The following ZZEF1 variants were observed in gnomAD, a reference collection of about 807,000 sequenced individuals.
The protein encoded by ZZEF1 is zinc finger ZZ-type and EF-hand domain-containing protein 1.
A neutral mutation model predicts 342.8 loss-of-function variants in ZZEF1; 157 were observed. That is an observed-to-expected ratio of 0.46 (90% CI 0.40 to 0.52). The LOEUF is 0.52. ZZEF1 is among the 20% of genes least tolerant of loss of function. The pLI, the probability that ZZEF1 is intolerant of heterozygous loss-of-function variation, is 0.00. For synonymous variants in ZZEF1, 1,505 were observed against 1,429.1 expected, an observed-to-expected ratio of 1.05 and a Z score of -1.20; for missense variants, 3,480 against 3,725.6, an observed-to-expected ratio of 0.93 and a Z score of 1.72.
intron 21 of ZZEF1, chr17:4,076,422 T>A: frequency 2.2e-6 from 1 of 447,336 alleles, no homozygotes; most frequent in Non-Finnish European, 3.8e-6. Context: ...CGTGAGCCAC[T>A]GCGCCCGGCC....
At chr17:4,027,159 G>C (rs1274907255) in intron 42 of ZZEF1, among the ~76,000 whole-genome samples, 1 of 151,976 alleles carries the variant, frequency 6.6e-6, no homozygotes, top group African/African-American at 2.4e-5. Flanking sequence ...GGGGGTGGTA[G>C]AAGACAGGGT....
At chr17:4,068,346 T>C (rs2057443237) in intron 26 of ZZEF1, among the ~76,000 whole-genome samples, 1 of 152,294 alleles carries the variant, frequency 6.6e-6, no homozygotes, top group East Asian at 1.9e-4. Context: ...GGCGCGATCT[T>C]GGCTCACTGC....
At chr17:4,019,552 T>C (rs2056209787) in intron 46 of ZZEF1, 117 bp downstream of exon 46, 4 of 898,896 alleles carry the variant, frequency 4.4e-6, no homozygotes, top group Middle Eastern at 3.4e-4. Context: ...TAGCAACTGC[T>C]TCCCGGCCTG....
In ZZEF1 at chr17:4,090,767, T is replaced by C; in HGVS notation, c.1977A>G (p.Glu659=). The C allele has an allele frequency of 1.2e-6, 2 of 1,614,198 alleles. No homozygotes were observed. The highest frequency in any genetic ancestry group is 1.7e-6 in the Non-Finnish European group (2 of 1,180,038). ...GCTTCACATCTGCTTCATCCCATTC[T>C]TCTTCCAGTTCAAACCAGCCAATAG... is the stretch of plus-strand genomic sequence containing the variant. ...DDPIGWFELE[E]EWDEADVKLQ... Residue 659 remains glutamate (E), a synonymous_variant, in exon 12 of 55, where the codon GAA becomes GAG. Transcript: ENST00000381638.
intron 19 of ZZEF1, 75 bp from the exon 20 acceptor site, chr17:4,077,064 A>G: frequency 7.2e-7 from 1 of 1,384,228 alleles, no homozygotes; most frequent in Non-Finnish European, 9.5e-7. Flanking sequence ...CACAGACAAG[A>G]ATAAAGAGAC....
At chr17:4,120,162 G>T (rs1272953808) in intron 2 of ZZEF1, among the ~76,000 whole-genome samples, 5 of 152,202 alleles carry the variant, frequency 3.3e-5, no homozygotes, top group Middle Eastern at 3.4e-3. Context: ...TCCAAGAGCA[G>T]CCTGGCCAAC....
At chr17:4,087,671 C>G in intron 13 of ZZEF1, 137 bp from the exon 14 acceptor site, 1 of 737,002 alleles carries the variant, frequency 1.4e-6, no homozygotes, top group Non-Finnish European at 2.1e-6. Flanking sequence ...CTGATGCTTA[C>G]TCTTAACTAC....
intron 1 of ZZEF1, among the ~76,000 whole-genome samples, chr17:4,131,317 T>C (rs1312221279): frequency 1.3e-5 from 2 of 152,156 alleles, no homozygotes; most frequent in African/African-American, 4.8e-5. Context: ...CTTGAGAAGA[T>C]GAAGTTGATA....
At chr17:4,096,111 C>T in intron 10 of ZZEF1, 132 bp from the exon 11 acceptor site, 3 of 1,014,642 alleles carry the variant, frequency 3.0e-6, no homozygotes, top group African/African-American at 1.6e-5. Context: ...ACATATTAAG[C>T]CCTCAAAAAA....
chr17:4,044,974 C>G (rs544771501), intron 37 of ZZEF1, among the ~76,000 whole-genome samples: 1 of 151,744 alleles, frequency 6.6e-6, no homozygotes, highest in African/African-American at 2.4e-5. Context: ...GCCAACATGG[C>G]GAAACCCCAT....
At chr17:4,009,820 C>T (rs751743304) in intron 52 of ZZEF1, 63 bp from the exon 53 acceptor site, 109 of 1,569,106 alleles carry the variant, frequency 6.9e-5, no homozygotes, top group Non-Finnish European at 9.4e-5. Context: ...ACATGGCTTA[C>T]AGCTGGCAGG....
At chr17:4,084,831 T>A (rs1226231909) in intron 16 of ZZEF1, among the ~76,000 whole-genome samples, 1 of 152,144 alleles carries the variant, frequency 6.6e-6, no homozygotes, top group Non-Finnish European at 1.5e-5. Context: ...TTGGTGATAC[T>A]GGCCTGGCAA....
chr17:4,102,273 C>A, intron 9 of ZZEF1, 44 bp downstream of exon 9: 1 of 1,544,830 alleles, frequency 6.5e-7, no homozygotes, highest in South Asian at 1.1e-5. Context: ...ACAGCTGACT[C>A]CTGTCTACCG....
intron 9 of ZZEF1, among the ~76,000 whole-genome samples, chr17:4,097,969 G>A (rs933940360): frequency 1.1e-4 from 16 of 150,014 alleles, no homozygotes; most frequent in Non-Finnish European, 1.5e-4. Context: ...TGGGTGTGGT[G>A]GCTCACACCT....
At chr17:4,048,782 T>C (rs1005441529) in intron 37 of ZZEF1, among the ~76,000 whole-genome samples, 4 of 152,078 alleles carry the variant, frequency 2.6e-5, no homozygotes, top group Non-Finnish European at 5.9e-5. Context: ...GGCGCCATCT[T>C]GGCTCACTGC....
chr17:4,095,975 C>G lies in ZZEF1; in HGVS notation c.1769G>C (p.Arg590Pro). 5 of 1,608,048 alleles carry G rather than the reference C, an allele frequency of 3.1e-6. No homozygotes were observed. The highest frequency in any genetic ancestry group is 4.2e-6 in the Non-Finnish European group (5 of 1,176,630). ...ACACTGGGCACCAATGCCACCACGT[C>G]GAACCTGGAAACAGAGATTAGGATG... is the stretch of plus-strand genomic sequence containing the variant. Reference protein sequence around the residue: ...FQVTQIRIMVRRGGIGAQCGL... With the variant: ...FQVTQIRIMVPRGGIGAQCGL... Residue 590 changes from arginine to proline, a missense_variant, in exon 11 of 55, where the codon CGA becomes CCA. Physicochemically the swap from Arg to Pro is moderately radical, Grantham distance 103. Around this residue, in one of 5 missense-constraint regions of ZZEF1, gnomAD observed 1,528 missense variants for 1,624.1 expected, o/e 0.94. Transcript: ENST00000381638.
intron 37 of ZZEF1, among the ~76,000 whole-genome samples, chr17:4,046,705 T>C (rs556305104): frequency 6.6e-6 from 1 of 152,318 alleles, no homozygotes; most frequent in Non-Finnish European, 1.5e-5. Context: ...CCCGACACCA[T>C]ACTCCCTGTA....
Position 4,085,783 on chromosome 17 carries a change from C to T in ZZEF1, c.2533G>A (p.Asp845Asn). ...TTTAGTATCTCCATGGGCACAGAGT[C>T]TCCATCCACCTTGTCCACCACTGAT... ...LCDVVDKVDG[D>N]SVPMEILKQE... is the part of the protein sequence containing the mutation. Residue 845 changes from aspartate to asparagine, a missense_variant, in exon 16 of 55, where the codon GAC becomes AAC. Transcript: ENST00000381638. The T allele has an allele frequency of 6.2e-7, 1 of 1,614,096 alleles. No homozygotes were observed. The highest frequency in any genetic ancestry group is 8.5e-7 in the Non-Finnish European group (1 of 1,179,990).
At chr17:4,084,953 A>T (rs1474282579) in intron 16 of ZZEF1, among the ~76,000 whole-genome samples, 1 of 152,188 alleles carries the variant, frequency 6.6e-6, no homozygotes, top group African/African-American at 2.4e-5. Flanking sequence ...CTCTACAAAA[A>T]ATACAAAAAT....
Sources: allele counts gnomAD v4.1 joint callset (sites outside exome capture counted in the v4.1 genomes callset), GRCh38; gene constraint gnomAD v4.1.1; regional missense constraint gnomAD v4.1.1; transcripts MANE v1.5; gene names NCBI Gene and HGNC (gene_info 2026-07-23, HGNC 2026-07-21).